HECW2: variants seen among roughly 807,000 people sequenced by gnomAD.
HECW2 encodes E3 ubiquitin-protein ligase HECW2.
In HECW2, 61 loss-of-function variants were observed where a neutral mutation model predicts 175.2. The ratio of observed to expected loss-of-function variants is 0.35; its 90% CI spans 0.28 to 0.43. The LOEUF is 0.43. HECW2 is among the 20% of genes least tolerant of loss of function. The pLI is 1.00. For synonymous variants in HECW2, 671 were observed against 731.0 expected, an observed-to-expected ratio of 0.92 and a Z score of 1.32; for missense variants, 1,524 against 2,000.5, an observed-to-expected ratio of 0.76 and a Z score of 4.54.
intron 14 of HECW2, among the ~76,000 whole-genome samples, chr2:196,280,627 C>T (rs1690150599): frequency 6.6e-6 from 1 of 152,152 alleles, no homozygotes; most frequent in Non-Finnish European, 1.5e-5. Context: ...GTAATGTTTC[C>T]TCTTCACTAA....
chr2:196,503,708 A>C (rs1220740311), intron 1 of HECW2, among the ~76,000 whole-genome samples: 3 of 152,160 alleles, frequency 2.0e-5, no homozygotes, highest in Non-Finnish European at 4.4e-5. Flanking sequence ...AAAAACAAGA[A>C]AAAAGTGGAA....
chr2:196,399,938 T>C (rs1694774590), intron 2 of HECW2, among the ~76,000 whole-genome samples: 2 of 152,200 alleles, frequency 1.3e-5, no homozygotes, highest in Non-Finnish European at 2.9e-5. Context: ...AGGAATTAAG[T>C]AGACTCCTGG....
At chr2:196,354,083 G>A (rs1693271930) in intron 2 of HECW2, among the ~76,000 whole-genome samples, 1 of 152,154 alleles carries the variant, frequency 6.6e-6, no homozygotes. Flanking sequence ...TGCCAGTGGA[G>A]GGCAGCCACC....
At chr2:196,570,828 T>C (rs1254697480) in intron 1 of HECW2, among the ~76,000 whole-genome samples, 2 of 152,186 alleles carry the variant, frequency 1.3e-5, no homozygotes, top group African/African-American at 4.8e-5. Flanking sequence ...TAACCAGCAA[T>C]AGCCAGTAGA....
chr2:196,519,024 T>A (rs1208372393), intron 1 of HECW2, among the ~76,000 whole-genome samples: 3 of 152,224 alleles, frequency 2.0e-5, no homozygotes, highest in Non-Finnish European at 2.9e-5. Context: ...AGAACTGGAA[T>A]TGTTTCAACT....
At chr2:196,563,099 A>G (rs1187182860) in intron 1 of HECW2, among the ~76,000 whole-genome samples, 2 of 152,186 alleles carry the variant, frequency 1.3e-5, no homozygotes. Context: ...TATGCTTATA[A>G]TCTTCAATAA....
chr2:196,552,187 T>C (rs1689620632), intron 1 of HECW2, among the ~76,000 whole-genome samples: 1 of 152,206 alleles, frequency 6.6e-6, no homozygotes, highest in Non-Finnish European at 1.5e-5. Flanking sequence ...CAAGTTGACA[T>C]GAGAGTACCA....
intron 21 of HECW2, among the ~76,000 whole-genome samples, chr2:196,231,501 T>C (rs1047727540): frequency 6.6e-6 from 1 of 152,218 alleles, no homozygotes; most frequent in Non-Finnish European, 1.5e-5. Context: ...AAATAAAGTG[T>C]TACTGGAACA....
At chr2:196,530,656 A>C (rs1688808492) in intron 1 of HECW2, among the ~76,000 whole-genome samples, 1 of 152,220 alleles carries the variant, frequency 6.6e-6, no homozygotes, top group Non-Finnish European at 1.5e-5. Flanking sequence ...ATACAGTAAG[A>C]CAGTTATTTA....
chr2:196,375,562 G>T (rs1004612298), intron 2 of HECW2, among the ~76,000 whole-genome samples: 5 of 152,226 alleles, frequency 3.3e-5, no homozygotes, highest in African/African-American at 1.2e-4. Context: ...TGAAAGAAAA[G>T]GAAGTGGTAA....
chr2:196,448,152 G>C (rs573661007), intron 1 of HECW2, among the ~76,000 whole-genome samples: 1 of 152,328 alleles, frequency 6.6e-6, no homozygotes, highest in East Asian at 1.9e-4. Context: ...GTTGGTGTAA[G>C]ATAAAATAAA....
At chr2:196,287,352 T>C (rs892519037) in intron 14 of HECW2, among the ~76,000 whole-genome samples, 4 of 152,224 alleles carry the variant, frequency 2.6e-5, no homozygotes, top group African/African-American at 4.8e-5. Context: ...GTTCCCATTG[T>C]ATATTTTTAT....
At chr2:196,317,432 A>G in intron 9 of HECW2, 63 bp from the exon 10 acceptor site, 1 of 1,173,512 alleles carries the variant, frequency 8.5e-7, no homozygotes, top group East Asian at 2.5e-5. Flanking sequence ...AACAGACTCT[A>G]TACAAAAAAC....
Position 196,443,683 on chromosome 2 carries a change from C to G in HECW2, c.-35-10225G>C, listed in dbSNP as rs766662341. Reference sequence around the variant, plus strand: ...AGTGTCAAAAAAGAAGAAACGAAAACAAGAAAAACTCTTTGCTTTTATATC... The same window carrying G: ...AGTGTCAAAAAAGAAGAAACGAAAAGAAGAAAAACTCTTTGCTTTTATATC... On this transcript the variant is annotated intron_variant, in intron 1 of 28. Coordinates refer to ENST00000644978, the MANE Select transcript of HECW2 (RefSeq NM_001348768.2). 1.4e-4 allele frequency among the ~76,000 whole-genome samples: 22 copies of G among 152,104 alleles called. 1 individual carries two copies. Among genetic ancestry groups the G allele is most frequent in the Non-Finnish European group, 2.9e-4 (20 of 67,986 alleles).
intron 2 of HECW2, among the ~76,000 whole-genome samples, chr2:196,370,336 T>C (rs533436054): frequency 3.9e-5 from 6 of 152,258 alleles, no homozygotes; most frequent in African/African-American, 1.4e-4. Context: ...GGGCCTGGAA[T>C]GGAAGCCTCA....
At chr2:196,477,936 C>T (rs1417737871) in intron 1 of HECW2, among the ~76,000 whole-genome samples, 1 of 152,112 alleles carries the variant, frequency 6.6e-6, no homozygotes, top group Non-Finnish European at 1.5e-5. Context: ...CCTGTAATTC[C>T]AGCTACTAGG....
chr2:196,446,147 C>T lies in HECW2; in HGVS notation c.-35-12689G>A, dbSNP rs76416738. On this transcript the variant is annotated intron_variant, in intron 1 of 28. Transcript: ENST00000644978. ...TTGCTACTACCTTCCATGTTCACAC[C>T]GCTCCAGTCCCACTGCTGCTCCTAG... Among the ~76,000 whole-genome samples, 536 of 152,264 alleles carry T rather than the reference C, an allele frequency of 3.5e-3. 4 individuals are homozygous for T. Among genetic ancestry groups the T allele is most frequent in the African/African-American group, 0.012 (484 of 41,556 alleles).
At chr2:196,383,506 G>A (rs1694265558) in intron 2 of HECW2, among the ~76,000 whole-genome samples, 1 of 152,172 alleles carries the variant, frequency 6.6e-6, no homozygotes, top group Non-Finnish European at 1.5e-5. Context: ...GAGAGCAAAG[G>A]ACAAAACAGA....
At chr2:196,389,257 C>T (rs1400688841) in intron 2 of HECW2, among the ~76,000 whole-genome samples, 1 of 152,160 alleles carries the variant, frequency 6.6e-6, no homozygotes, top group Non-Finnish European at 1.5e-5. Context: ...GCAAAACTGT[C>T]TGTGGCAGGC....
Sources: allele counts gnomAD v4.1 joint callset (sites outside exome capture counted in the v4.1 genomes callset), GRCh38; gene constraint gnomAD v4.1.1; transcripts MANE v1.5; gene names NCBI Gene and HGNC (gene_info 2026-07-23, HGNC 2026-07-21).